The following CACNB2 variants were observed in gnomAD, a reference collection of about 807,000 sequenced individuals.
CACNB2 encodes calcium voltage-gated channel auxiliary subunit beta 2.
CACNB2 carries 42 observed loss-of-function variants against 73.3 expected under a neutral mutation model. The observed-to-expected ratio is 0.57, with a 90% CI of 0.45 to 0.74. The LOEUF (loss-of-function observed/expected upper bound fraction) is 0.74. CACNB2 is among the 30% of genes least tolerant of loss of function. The pLI, the probability that CACNB2 is intolerant of heterozygous loss-of-function variation, is 0.00. For missense variants in CACNB2, 940 were observed against 853.0 expected (o/e 1.10, Z -1.27); for synonymous variants, 348 against 310.3 (o/e 1.12, Z -1.28).
At chr10:18,533,863 G>A (rs1041498392) in intron 10 of CACNB2, among the ~76,000 whole-genome samples, 5 of 152,100 alleles carry the variant, frequency 3.3e-5, no homozygotes, top group South Asian at 4.1e-4. Context: ...TTCTGTAGCC[G>A]GTTGACAGAA....
chr10:18,221,511 T>G (rs997556379), intron 2 of CACNB2, among the ~76,000 whole-genome samples: 4 of 152,072 alleles, frequency 2.6e-5, no homozygotes, highest in African/African-American at 9.7e-5. Flanking sequence ...AAGCCCTGTC[T>G]CTACTAAGAA....
intron 3 of CACNB2, among the ~76,000 whole-genome samples, chr10:18,407,368 T>C (rs10828653): frequency 0.87 from 132,620 of 151,852 alleles, 58,333 homozygotes; most frequent in East Asian, 0.98. Context: ...GTGATCCATC[T>C]GCCTCGGTCT....
intron 2 of CACNB2, among the ~76,000 whole-genome samples, chr10:18,376,550 T>C (rs2132330891): frequency 6.6e-6 from 1 of 152,314 alleles, no homozygotes; most frequent in African/African-American, 2.4e-5. Flanking sequence ...TAAAATAAAC[T>C]TGAGAGGGGC....
chr10:18,197,359 G>A (rs1426088912), intron 2 of CACNB2, among the ~76,000 whole-genome samples: 1 of 152,238 alleles, frequency 6.6e-6, no homozygotes, highest in Middle Eastern at 3.4e-3. Context: ...GTTTTTGCCT[G>A]CAAGGAACAG....
intron 2 of CACNB2, among the ~76,000 whole-genome samples, chr10:18,352,150 C>G (rs1183175551): frequency 6.6e-6 from 1 of 152,234 alleles, no homozygotes; most frequent in Non-Finnish European, 1.5e-5. Context: ...AAGCCAGCCT[C>G]TGCGTACTTC....
chr10:18,145,458 C>T (rs1400945463), intron 1 of CACNB2, among the ~76,000 whole-genome samples: 1 of 151,924 alleles, frequency 6.6e-6, no homozygotes, highest in Non-Finnish European at 1.5e-5. Flanking sequence ...ACAGACATGC[C>T]AATCAGAATT....
At position 18,236,953 on chromosome 10, in the gene CACNB2, T is replaced by G. The variant is rs149764852; in HGVS notation, c.213+85978T>G. Among the ~76,000 whole-genome samples the G allele has an allele frequency of 2.4e-3, 373 of 152,316 alleles. 1 individual carries two copies. The highest frequency in any genetic ancestry group is 8.4e-3 in the African/African-American group (350 of 41,558). On this transcript the variant is annotated intron_variant, in intron 2 of 13. Transcript: ENST00000324631. ...ATTCCAGAATTAAACTGCAGAGAAT[T>G]ATGTTCATTCATGGGCCTGTAGTAC...
At chr10:18,275,591 T>G (rs1269672091) in intron 2 of CACNB2, among the ~76,000 whole-genome samples, 1 of 152,092 alleles carries the variant, frequency 6.6e-6, no homozygotes, top group Non-Finnish European at 1.5e-5. Context: ...ATCCTGCACA[T>G]GTACCCCTGA....
chr10:18,163,747 G>A (rs2032644946), intron 2 of CACNB2, among the ~76,000 whole-genome samples: 1 of 152,188 alleles, frequency 6.6e-6, no homozygotes, highest in African/African-American at 2.4e-5. Context: ...TGTGGTGCAG[G>A]AGGAAGTGGT....
intron 2 of CACNB2, among the ~76,000 whole-genome samples, chr10:18,376,570 A>G (rs1049950892): frequency 2.0e-5 from 3 of 152,196 alleles, no homozygotes; most frequent in East Asian, 1.9e-4. Flanking sequence ...CTTCTGGCCA[A>G]TTTTGGTCAG....
At chr10:18,360,639 A>G (rs1290418019) in intron 2 of CACNB2, among the ~76,000 whole-genome samples, 1 of 152,206 alleles carries the variant, frequency 6.6e-6, no homozygotes, top group Non-Finnish European at 1.5e-5. Context: ...AAACTGAGGC[A>G]CAGAACTTTA....
At chr10:18,351,778 G>A (rs1038516011) in intron 2 of CACNB2, among the ~76,000 whole-genome samples, 2 of 152,160 alleles carry the variant, frequency 1.3e-5, no homozygotes, top group African/African-American at 2.4e-5. Flanking sequence ...AAGATTCTTT[G>A]GTTGTATTGC....
chr10:18,318,091 C>T (rs111562654), intron 2 of CACNB2, among the ~76,000 whole-genome samples: 2 of 152,158 alleles, frequency 1.3e-5, no homozygotes, highest in African/African-American at 4.8e-5. Context: ...ATCAAACTAC[C>T]ATTGACTTTC....
rs11384501 is a variant in CACNB2 at position 18,414,483 on chromosome 10, C to CTT, written c.333+12461_333+12462dup. On this transcript the variant is annotated intron_variant, in intron 3 of 13. Coordinates refer to ENST00000324631, the MANE Select transcript of CACNB2 (RefSeq NM_201596.3). The stretch of plus-strand genomic sequence containing the variant: ...GTTCCAGAATCCTTGTTACTACTAC[C>CTT]TTTTTTTTTTTTTTTTTTTTTTGGA... Among the ~76,000 whole-genome samples the CTT allele has an allele frequency of 6.4e-3, 845 of 131,996 alleles. 10 individuals carry two copies. The highest frequency in any genetic ancestry group is 0.017 in the African/African-American group (561 of 32,334). The allele number at this position is 131,996 out of a possible 152,430, so 86.6% of individuals were successfully genotyped here.
chr10:18,482,009 C>G (rs969366255), intron 3 of CACNB2, among the ~76,000 whole-genome samples: 1 of 152,130 alleles, frequency 6.6e-6, no homozygotes, highest in East Asian at 1.9e-4. Flanking sequence ...CTTGCCTCAG[C>G]CTCCTGAGTA....
intron 2 of CACNB2, among the ~76,000 whole-genome samples, chr10:18,213,704 A>T (rs1367156185): frequency 6.6e-6 from 1 of 152,204 alleles, no homozygotes. Flanking sequence ...ATTGCTGTGG[A>T]GTATGGAGTG....
chr10:18,282,573 C>T (rs1022415169), intron 2 of CACNB2, among the ~76,000 whole-genome samples: 11 of 152,220 alleles, frequency 7.2e-5, no homozygotes, highest in Admixed American at 1.3e-4. Flanking sequence ...GACTTATTAA[C>T]TCAGTGTGAT....
At chr10:18,207,379 T>A (rs1007955653) in intron 2 of CACNB2, among the ~76,000 whole-genome samples, 1 of 152,214 alleles carries the variant, frequency 6.6e-6, no homozygotes, top group Non-Finnish European at 1.5e-5. Context: ...GTTAATCTCT[T>A]ACTGTGTCTG....
At chr10:18,329,331 T>C (rs2040706546) in intron 2 of CACNB2, among the ~76,000 whole-genome samples, 1 of 152,112 alleles carries the variant, frequency 6.6e-6, no homozygotes, top group African/African-American at 2.4e-5. Context: ...AACAGCATTT[T>C]AAAGCATGAA....
Sources: allele counts gnomAD v4.1 joint callset (sites outside exome capture counted in the v4.1 genomes callset), GRCh38; gene constraint gnomAD v4.1.1; transcripts MANE v1.5; gene names NCBI Gene and HGNC (gene_info 2026-07-23, HGNC 2026-07-21).